The following EPHA3 variants were observed in gnomAD, a reference collection of about 807,000 sequenced individuals.
EPHA3 encodes the protein ephrin type-A receptor 3.
EPHA3 carries 42 observed loss-of-function variants against 107.1 expected under a neutral mutation model. That is an observed-to-expected ratio of 0.39 (90% confidence interval 0.31 to 0.51). The LOEUF (loss-of-function observed/expected upper bound fraction) is 0.51, where lower values mean the gene tolerates loss of function less well. Ranked by LOEUF, EPHA3 falls within the 20% of genes least tolerant of loss-of-function variation. The pLI, the probability that EPHA3 is intolerant of heterozygous loss-of-function variation, is 0.78. For synonymous variants in EPHA3, 461 were observed against 424.8 expected, an observed-to-expected ratio of 1.09 and a Z score of -1.05; for missense variants, 1,183 against 1,211.2, an observed-to-expected ratio of 0.98 and a Z score of 0.35.
chr3:89,123,905 C>T (rs535760053), intron 1 of EPHA3, among the ~76,000 whole-genome samples: 2 of 152,220 alleles, frequency 1.3e-5, no homozygotes, highest in South Asian at 4.1e-4. Flanking sequence ...GCAATCACAT[C>T]ATTAGAATAT....
intron 7 of EPHA3, among the ~76,000 whole-genome samples, chr3:89,401,691 T>C (rs2107511450): frequency 6.6e-6 from 1 of 152,274 alleles, no homozygotes; most frequent in African/African-American, 2.4e-5. Context: ...CACTGCAACC[T>C]CTGCCTCCCT....
intron 7 of EPHA3, among the ~76,000 whole-genome samples, chr3:89,404,775 T>C (rs1709026305): frequency 6.6e-6 from 1 of 152,156 alleles, no homozygotes. Context: ...AGATAATTAT[T>C]TTTTCTCCTA....
In EPHA3 at chr3:89,170,551, C is replaced by G. The variant is rs897441718; in HGVS notation, c.154-39309C>G. Among the ~76,000 whole-genome samples, 11 of 152,260 alleles carry G rather than the reference C, an allele frequency of 7.2e-5. No homozygotes were observed. The East Asian group carries it at 2.1e-3, about 30-fold the overall frequency. ...TAAAGTGTAGCCAAGGAGTTGATGA[C>G]ATACGAACTAGTTCTTCTACACTTT... On this transcript the variant is annotated intron_variant, in intron 2 of 16. Transcript: ENST00000336596.
intron 5 of EPHA3, among the ~76,000 whole-genome samples, chr3:89,374,519 A>G (rs1184501606): frequency 6.6e-6 from 1 of 151,908 alleles, no homozygotes; most frequent in Non-Finnish European, 1.5e-5. Context: ...GCTGTTTTAT[A>G]CTGTTATACA....
intron 3 of EPHA3, among the ~76,000 whole-genome samples, chr3:89,303,301 A>G (rs189362203): frequency 1.3e-5 from 2 of 152,008 alleles, no homozygotes; most frequent in Admixed American, 6.5e-5. Flanking sequence ...TATTTCCATA[A>G]TTATTATTTT....
intron 5 of EPHA3, among the ~76,000 whole-genome samples, chr3:89,364,518 C>T (rs1033634526): frequency 2.6e-5 from 4 of 151,066 alleles, no homozygotes; most frequent in African/African-American, 9.7e-5. Flanking sequence ...ATTTATAGCT[C>T]CTTCACATTA....
At chr3:89,389,755 AAC>A (rs1415098830) in intron 5 of EPHA3, among the ~76,000 whole-genome samples, 1 of 152,254 alleles carries the variant, frequency 6.6e-6, no homozygotes, top group Admixed American at 6.5e-5. Flanking sequence ...GTGTAATTCT[AAC>A]ACAAATTGTG....
intron 15 of EPHA3, among the ~76,000 whole-genome samples, chr3:89,450,606 G>C (rs1051116743): frequency 6.6e-6 from 1 of 151,996 alleles, no homozygotes; most frequent in Non-Finnish European, 1.5e-5. Context: ...TCTACATTCA[G>C]GCTTGTTTAA....
rs889360583 is a variant in EPHA3, at chr3:89,341,849, A to G, written c.1065A>G (p.Lys355=). Residue 355 remains lysine (K), a synonymous_variant, in exon 5 of 17, where the codon AAA becomes AAG. Transcript: ENST00000336596. ...WSWPLDTGGR[K]DVTFNIICKK... ...GGCCCCTGGACACAGGAGGCCGGAA[A>G]GATGTTACCTTCAACATCATATGTA... 1.9e-6 allele frequency: 3 copies of G among 1,613,906 alleles called. No individual in the cohort carries two copies. The highest frequency in any genetic ancestry group is 1.3e-5 in the African/African-American group (1 of 74,854).
At chr3:89,374,512 G>C (rs2107475540) in intron 5 of EPHA3, among the ~76,000 whole-genome samples, 1 of 151,958 alleles carries the variant, frequency 6.6e-6, no homozygotes, top group African/African-American at 2.4e-5. Flanking sequence ...TGAAATTGCT[G>C]TTTTATACTG....
At chr3:89,195,347 C>T (rs1366028316) in intron 2 of EPHA3, among the ~76,000 whole-genome samples, 1 of 152,042 alleles carries the variant, frequency 6.6e-6, no homozygotes, top group African/African-American at 2.4e-5. Context: ...TGAATCTAGG[C>T]TCCACCATTA....
chr3:89,393,670 C>T (rs1708789373), intron 5 of EPHA3, among the ~76,000 whole-genome samples: 1 of 152,042 alleles, frequency 6.6e-6, no homozygotes, highest in South Asian at 2.1e-4. Context: ...AGTAGATTTC[C>T]TCATTGTAGA....
chr3:89,206,489 C>T lies in EPHA3; in HGVS notation c.154-3371C>T, dbSNP rs116302405. 2.9e-3 allele frequency among the ~76,000 whole-genome samples: 445 copies of T among 152,152 alleles called. 3 individuals carry two copies. Among genetic ancestry groups the T allele is most frequent in the African/African-American group, 0.01 (419 of 41,540 alleles). On this transcript the variant is annotated intron_variant, in intron 2 of 16. Coordinates refer to ENST00000336596, the MANE Select transcript of EPHA3 (RefSeq NM_005233.6). ...TACATTCAAATAATATTGTCATGAT[C>T]GAACTTTCTATAAGATGGTTATGGA...
intron 2 of EPHA3, among the ~76,000 whole-genome samples, chr3:89,153,018 C>T (rs1704721706): frequency 6.6e-6 from 1 of 151,936 alleles, no homozygotes; most frequent in African/African-American, 2.4e-5. Context: ...GATATAAAAC[C>T]TAAACATAGA....
In EPHA3 at chr3:89,422,350, C is replaced by T. The variant is rs536305165; in HGVS notation, c.2074+2960C>T. 3.4e-3 allele frequency among the ~76,000 whole-genome samples: 515 copies of T among 151,286 alleles called. 2 individuals are homozygous for T. Among genetic ancestry groups the T allele is most frequent in the Middle Eastern group, 6.8e-3 (2 of 294 alleles). On this transcript the variant is annotated intron_variant, in intron 11 of 16. Coordinates refer to ENST00000336596, the MANE Select transcript of EPHA3 (RefSeq NM_005233.6). ...CAGAAAGCACATCTATACATGCACA[C>T]ATGCACACACACACACACAACTAGA...
At chr3:89,469,347 T>C (rs1710356428) in intron 15 of EPHA3, among the ~76,000 whole-genome samples, 1 of 152,174 alleles carries the variant, frequency 6.6e-6, no homozygotes, top group Non-Finnish European at 1.5e-5. Context: ...GCAATTTTTT[T>C]TTCCTGAAAC....
chr3:89,251,931 G>A (rs1452267586), intron 3 of EPHA3, among the ~76,000 whole-genome samples: 1 of 152,026 alleles, frequency 6.6e-6, no homozygotes, highest in African/African-American at 2.4e-5. Flanking sequence ...ATTGTTAATT[G>A]CTGTATTTTG....
intron 2 of EPHA3, among the ~76,000 whole-genome samples, chr3:89,135,899 G>A (rs1704299950): frequency 6.6e-6 from 1 of 151,918 alleles, no homozygotes; most frequent in Non-Finnish European, 1.5e-5. Context: ...ATCATAGACA[G>A]GAATGAAAAT....
At chr3:89,195,335 T>C (rs1203705671) in intron 2 of EPHA3, among the ~76,000 whole-genome samples, 1 of 152,002 alleles carries the variant, frequency 6.6e-6, no homozygotes, top group African/African-American at 2.4e-5. Flanking sequence ...GAGTTCTGGG[T>C]TTGAATCTAG....
Sources: gnomAD v4.1 joint callset for allele counts (sites outside exome capture counted in the v4.1 genomes callset) on GRCh38, gnomAD v4.1.1 for gene constraint, MANE v1.5 for transcripts, NCBI Gene and HGNC (gene_info 2026-07-23, HGNC 2026-07-21) for gene names.